ESR1: variants seen among roughly 807,000 people sequenced by gnomAD.
ESR1 encodes estrogen receptor.
A neutral mutation model predicts 52.7 loss-of-function variants in ESR1; 12 were observed. The observed-to-expected ratio is 0.23, with a 90% CI of 0.15 to 0.37. The LOEUF (loss-of-function observed/expected upper bound fraction) is 0.37. ESR1 is among the 10% of genes least tolerant of loss of function. The pLI is 1.00. For synonymous variants in ESR1, 305 were observed against 316.8 expected, an observed-to-expected ratio of 0.96 and a Z score of 0.39; for missense variants, 584 against 779.7, an observed-to-expected ratio of 0.75 and a Z score of 2.99.
intron 6 of ESR1, among the ~76,000 whole-genome samples, chr6:152,067,439 A>G (rs995446319): frequency 2.0e-5 from 3 of 152,248 alleles, no homozygotes; most frequent in Non-Finnish European, 2.9e-5. Context: ...TGTGTCCTCA[A>G]GAGAACCAAC....
rs141910013 is a variant in ESR1, at chr6:151,698,294, A to G, written c.-201-3581A>G. 5.6e-4 allele frequency among the ~76,000 whole-genome samples: 85 copies of G among 152,072 alleles called. No individual in the cohort carries two copies. In the East Asian group the frequency reaches 0.016, roughly 28 times the overall value. On this transcript the variant is annotated intron_variant, in intron 1 of 2. Coordinates refer to the ESR1 transcript ENST00000404742. ...GGTGAGAGGATGACTTAAGCCCAGG[A>G]GATCCAGGCTGCAGTGAGCTGACAT...
chr6:151,692,832 CT>C (rs1779049901), intron 1 of ESR1, among the ~76,000 whole-genome samples: 1 of 152,236 alleles, frequency 6.6e-6, no homozygotes, highest in South Asian at 2.1e-4. Flanking sequence ...ATTTTTCTCT[CT>C]GAAAGTCTGT....
intron 3 of ESR1, among the ~76,000 whole-genome samples, chr6:151,909,216 G>A (rs1466573283): frequency 6.6e-6 from 1 of 152,174 alleles, no homozygotes; most frequent in Non-Finnish European, 1.5e-5. Context: ...GGGCAGTCAA[G>A]CTCAAGGGAA....
intron 6 of ESR1, among the ~76,000 whole-genome samples, chr6:152,085,864 T>C (rs2049668690): frequency 6.6e-6 from 1 of 152,178 alleles, no homozygotes; most frequent in Non-Finnish European, 1.5e-5. Flanking sequence ...CAAGAACACC[T>C]TGTAGAAAAG....
exon 7 of ESR1, chr6:152,128,938 G>GT (rs1276876542): frequency 6.6e-6 from 1 of 152,258 alleles, no homozygotes; most frequent in Admixed American, 6.5e-5. Context: ...CTGTGAAGGT[G>GT]TTGGATGACG....
At chr6:151,984,707 A>G (rs2040294864) in intron 4 of ESR1, among the ~76,000 whole-genome samples, 1 of 152,108 alleles carries the variant, frequency 6.6e-6, no homozygotes, top group Non-Finnish European at 1.5e-5. Flanking sequence ...AGCTGCTTCA[A>G]TTTCTTATAG....
In ESR1 at chr6:152,022,477, C is replaced by T. The variant is rs145256548; in HGVS notation, c.1235+10683C>T. On this transcript the variant is annotated intron_variant, in intron 5 of 7. Transcript: ENST00000206249. ...AGATAAAAAATTTGAGAGCCATCTC[C>T]GTAGCTAAAAGTGTGGAACGAATGT... is the stretch of plus-strand genomic sequence containing the variant. Among the ~76,000 whole-genome samples the T allele has an allele frequency of 7.2e-5, 11 of 152,098 alleles. No individual in the cohort carries two copies. In the East Asian group the frequency reaches 7.7e-4, roughly 11 times the overall value.
intron 2 of ESR1, among the ~76,000 whole-genome samples, chr6:151,773,164 A>G (rs1346325324): frequency 1.3e-5 from 2 of 152,168 alleles, no homozygotes; most frequent in Non-Finnish European, 2.9e-5. Flanking sequence ...GAAAATTTGG[A>G]CAGAGACACA....
At position 151,960,195 on chromosome 6, in the gene ESR1, A is replaced by T. The variant is rs188485910; in HGVS notation, c.1096+15687A>T. On this transcript the variant is annotated intron_variant, in intron 4 of 7. Coordinates refer to ENST00000206249, the MANE Select transcript of ESR1 (RefSeq NM_000125.4). The stretch of plus-strand genomic sequence containing the variant: ...TTGCTTTGTTCATTCGGCACTTTTC[A>T]CTGGACATGCTATGAGCCCAGCAGT... 2.6e-5 allele frequency among the ~76,000 whole-genome samples: 4 copies of T among 152,328 alleles called. No homozygotes were observed. The East Asian group carries it at 7.7e-4, about 29-fold the overall frequency.
intron 3 of ESR1, among the ~76,000 whole-genome samples, chr6:151,939,499 A>G (rs543684488): frequency 2.4e-4 from 36 of 152,330 alleles, no homozygotes; most frequent in African/African-American, 8.4e-4. Context: ...ATAATTAAGA[A>G]TAAGCTGTAT....
At chr6:151,681,072 G>A (rs1374897830) in intron 1 of ESR1, among the ~76,000 whole-genome samples, 2 of 152,158 alleles carry the variant, frequency 1.3e-5, no homozygotes, top group East Asian at 3.9e-4. Flanking sequence ...TGCCGGGCAC[G>A]TCCTTGTTCC....
intron 1 of ESR1, among the ~76,000 whole-genome samples, chr6:151,832,491 T>TTCTG (rs1251084539): frequency 6.6e-6 from 1 of 152,196 alleles, no homozygotes; most frequent in East Asian, 1.9e-4. Flanking sequence ...TGCCTCCAAC[T>TTCTG]TCTGTCCATC....
intron 1 of ESR1, among the ~76,000 whole-genome samples, chr6:151,810,830 G>T (rs1778709639): frequency 6.6e-6 from 1 of 152,136 alleles, no homozygotes; most frequent in Non-Finnish European, 1.5e-5. Flanking sequence ...AAAGCTAATG[G>T]CCTAAAATAT....
chr6:152,095,351 C>T (rs776356222), intron 7 of ESR1, among the ~76,000 whole-genome samples: 10 of 152,120 alleles, frequency 6.6e-5, no homozygotes, highest in Non-Finnish European at 1.3e-4. Context: ...GATGAGTCAT[C>T]GGGGGGAGGT....
At chr6:151,659,101 C>T (rs553474621) in intron 1 of ESR1, among the ~76,000 whole-genome samples, 41 of 151,612 alleles carry the variant, frequency 2.7e-4, no homozygotes, top group Non-Finnish European at 5.2e-4. Context: ...GCAACCTCCG[C>T]CTCCTGGGTT....
At chr6:152,057,594 G>A (rs2047200877) in intron 5 of ESR1, among the ~76,000 whole-genome samples, 3 of 151,996 alleles carry the variant, frequency 2.0e-5, no homozygotes, top group Admixed American at 2.0e-4. Flanking sequence ...ACATGTGTTT[G>A]CATGGAAGGT....
chr6:152,078,844 CACACGCCCATGGAG>C (rs2048960541), intron 6 of ESR1, among the ~76,000 whole-genome samples: 1 of 152,264 alleles, frequency 6.6e-6, no homozygotes, highest in East Asian at 1.9e-4. Context: ...CTCAGTGGGT[CACACGCCCATGGAG>C]ACTTGCTCAC....
intron 2 of ESR1, among the ~76,000 whole-genome samples, chr6:151,718,740 A>C (rs1170025910): frequency 1.3e-5 from 2 of 152,168 alleles, no homozygotes; most frequent in African/African-American, 4.8e-5. Context: ...CAATTTCATC[A>C]AGGGAAAAGG....
chr6:152,042,417 C>T (rs1032041264), intron 5 of ESR1, among the ~76,000 whole-genome samples: 16 of 152,290 alleles, frequency 1.1e-4, no homozygotes, highest in African/African-American at 3.1e-4. Flanking sequence ...CTGGAATCAA[C>T]GTCAGCTCAG....
Sources: allele counts gnomAD v4.1 joint callset (sites outside exome capture counted in the v4.1 genomes callset), GRCh38; gene constraint gnomAD v4.1.1; transcripts MANE v1.5; gene names NCBI Gene and HGNC (gene_info 2026-07-23, HGNC 2026-07-21).